MGAT4C: variants seen among roughly 807,000 people sequenced by gnomAD.
MGAT4C encodes the protein MGAT4 family member C.
In MGAT4C, 19 loss-of-function variants were observed where a neutral mutation model predicts 40.1. That is an observed-to-expected ratio of 0.47 (90% CI 0.33 to 0.70). MGAT4C has a LOEUF of 0.70. Among genes scored for constraint, MGAT4C ranks in the 30% least tolerant of loss-of-function variants. The probability of loss-of-function intolerance (pLI) is 0.02; values close to 1 mark genes in which losing one functional copy is unlikely to be tolerated. For missense variants in MGAT4C, 491 were observed against 563.2 expected, an observed-to-expected ratio of 0.87 and a Z score of 1.30; for synonymous variants, 181 against 187.1, an observed-to-expected ratio of 0.97 and a Z score of 0.27.
chr12:86,161,170 C>T (rs1885547170), intron 1 of MGAT4C, among the ~76,000 whole-genome samples: 1 of 151,992 alleles, frequency 6.6e-6, no homozygotes, highest in African/African-American at 2.4e-5. Flanking sequence ...CCAAAATTCA[C>T]ATGTCACCAA....
rs979967066 is a variant in MGAT4C, at chr12:85,961,447, T to G, written c.*17842A>C. 1 of 151,738 alleles carries G rather than the reference T, an allele frequency of 6.6e-6. No homozygotes were observed. Among genetic ancestry groups the G allele is most frequent in the Non-Finnish European group, 1.5e-5 (1 of 67,756 alleles). The allele number at this position is 151,738 out of a possible 1,614,324, so 9.4% of individuals were successfully genotyped here. ...TACTAATAATATTGAGATTTTACAA[T>G]TTAGGTTATAATCAAGATAATTATG... On this transcript the variant is annotated 3_prime_UTR_variant, in exon 5 of 5. Coordinates refer to ENST00000611864, the MANE Select transcript of MGAT4C (RefSeq NM_001351288.2).
chr12:86,451,080 C>T lies in MGAT4C; in HGVS notation c.-228-15815G>A, dbSNP rs575134636. On this transcript the variant is annotated intron_variant, in intron 2 of 7. Coordinates refer to the MGAT4C transcript ENST00000548651. The stretch of plus-strand genomic sequence containing the variant: ...CACAAATCTCATATAGAAATGTAAT[C>T]GCCAATGTTGGAGGTGGGGCCTAGT... Among the ~76,000 whole-genome samples, 70 of 152,152 alleles carry T rather than the reference C, an allele frequency of 4.6e-4. 1 individual carries two copies. In the South Asian group the frequency reaches 0.01, roughly 23 times the overall value.
chr12:86,532,249 A>G (rs1359659152), intron 2 of MGAT4C, among the ~76,000 whole-genome samples: 2 of 152,030 alleles, frequency 1.3e-5, no homozygotes, highest in Non-Finnish European at 2.9e-5. Flanking sequence ...GGATTCATAC[A>G]TATAACACTT....
At chr12:86,837,534 C>G (rs1342708287) in intron 1 of MGAT4C, among the ~76,000 whole-genome samples, 1 of 152,046 alleles carries the variant, frequency 6.6e-6, no homozygotes, top group African/African-American at 2.4e-5. Flanking sequence ...ACTCTGTGTT[C>G]CAGTCCATAC....
chr12:86,748,015 T>C (rs77171718), intron 1 of MGAT4C, among the ~76,000 whole-genome samples: 1,699 of 151,738 alleles, frequency 0.011, 28 homozygotes, highest in African/African-American at 0.039. Flanking sequence ...ACTAAATTTA[T>C]AAGCAATTAG....
chr12:86,711,107 T>G (rs2136631220), intron 2 of MGAT4C, among the ~76,000 whole-genome samples: 1 of 152,144 alleles, frequency 6.6e-6, no homozygotes, highest in African/African-American at 2.4e-5. Flanking sequence ...GGGTGACAGG[T>G]ACACCAAAAT....
intron 1 of MGAT4C, among the ~76,000 whole-genome samples, chr12:86,120,313 G>A (rs1407098161): frequency 1.3e-5 from 2 of 152,064 alleles, no homozygotes; most frequent in African/African-American, 2.4e-5. Context: ...ACCTCTGGGG[G>A]CAGGGCATAG....
At chr12:86,784,590 A>G (rs1055040999) in intron 1 of MGAT4C, among the ~76,000 whole-genome samples, 1 of 152,002 alleles carries the variant, frequency 6.6e-6, no homozygotes, top group Admixed American at 6.6e-5. Context: ...AAATCATGAC[A>G]AGAGATAAAA....
intron 2 of MGAT4C, among the ~76,000 whole-genome samples, chr12:86,516,930 T>A (rs1036136544): frequency 6.6e-5 from 10 of 152,072 alleles, no homozygotes; most frequent in African/African-American, 2.4e-4. Flanking sequence ...CAAATGTCAA[T>A]AAGCACAAGA....
At chr12:86,398,750 T>C (rs1347664723) in intron 3 of MGAT4C, among the ~76,000 whole-genome samples, 3 of 151,784 alleles carry the variant, frequency 2.0e-5, no homozygotes, top group African/African-American at 7.3e-5. Context: ...ATTCTAATCT[T>C]CCACCACCTT....
At chr12:86,001,670 A>C (rs879895114) in intron 2 of MGAT4C, 1 of 978,372 alleles carries the variant, frequency 1.0e-6, no homozygotes, top group Non-Finnish European at 1.2e-6. Flanking sequence ...AAGTTGGTAT[A>C]GTCACATGCT....
At chr12:86,734,760 T>C (rs1483596500) in intron 1 of MGAT4C, among the ~76,000 whole-genome samples, 1 of 152,056 alleles carries the variant, frequency 6.6e-6, no homozygotes, top group African/African-American at 2.4e-5. Context: ...AAATAAATGA[T>C]TGTTGTTGAA....
chr12:86,675,988 T>A (rs763161972), intron 2 of MGAT4C, among the ~76,000 whole-genome samples: 1 of 151,400 alleles, frequency 6.6e-6, no homozygotes, highest in Admixed American at 6.6e-5. Context: ...AAAAAAACAT[T>A]CATTTCAATG....
At chr12:86,196,440 C>T (rs1320207530) in intron 1 of MGAT4C, among the ~76,000 whole-genome samples, 1 of 152,190 alleles carries the variant, frequency 6.6e-6, no homozygotes, top group African/African-American at 2.4e-5. Context: ...TGGCATTCTG[C>T]CCTGCTGAAA....
chr12:86,441,099 T>C (rs1017664781), intron 2 of MGAT4C, among the ~76,000 whole-genome samples: 1 of 151,966 alleles, frequency 6.6e-6, no homozygotes, highest in African/African-American at 2.4e-5. Context: ...ATTTTTCACA[T>C]AAATAGAAAA....
intron 2 of MGAT4C, among the ~76,000 whole-genome samples, chr12:86,662,235 C>T (rs1472088538): frequency 6.6e-6 from 1 of 152,068 alleles, no homozygotes; most frequent in African/African-American, 2.4e-5. Flanking sequence ...TCCCATAAGT[C>T]ATTGTTTTAT....
At chr12:86,614,031 GC>G (rs1373577239) in intron 2 of MGAT4C, among the ~76,000 whole-genome samples, 3 of 152,096 alleles carry the variant, frequency 2.0e-5, no homozygotes. Flanking sequence ...CAAAATTTAT[GC>G]CACAACATCC....
At chr12:86,354,856 T>A (rs7962568) in intron 3 of MGAT4C, among the ~76,000 whole-genome samples, 2 of 152,016 alleles carry the variant, frequency 1.3e-5, no homozygotes, top group South Asian at 2.1e-4. Context: ...GTTACAGCTC[T>A]TAAAGATGGC....
chr12:86,538,430 T>G (rs1214129856), intron 2 of MGAT4C, among the ~76,000 whole-genome samples: 2 of 152,142 alleles, frequency 1.3e-5, no homozygotes, highest in African/African-American at 2.4e-5. Context: ...GGAGTTTACA[T>G]GGAGGGATTG....
Sources: gnomAD v4.1 joint callset for allele counts (sites outside exome capture counted in the v4.1 genomes callset) on GRCh38, gnomAD v4.1.1 for gene constraint, MANE v1.5 for transcripts, NCBI Gene and HGNC (gene_info 2026-07-23, HGNC 2026-07-21) for gene names.